XPOT: variants seen among roughly 807,000 people sequenced by gnomAD.
XPOT encodes exportin for tRNA.
XPOT carries 34 observed loss-of-function variants against 128.2 expected under a neutral mutation model. The observed-to-expected ratio is 0.27, with a 90% CI of 0.20 to 0.35. XPOT has a LOEUF of 0.35. Among genes scored for constraint, XPOT ranks in the 10% least tolerant of loss-of-function variants. XPOT has a pLI of 1.00. For synonymous variants in XPOT, 348 were observed against 394.3 expected (o/e 0.88, Z 1.39); for missense variants, 838 against 1,125.3 (o/e 0.74, Z 3.65).
intron 24 of XPOT, among the ~76,000 whole-genome samples, chr12:64,446,967 A>T (rs909936318): frequency 1.3e-5 from 2 of 152,190 alleles, no homozygotes; most frequent in African/African-American, 2.4e-5. Context: ...AAATAGCTTT[A>T]TTGGATTTAC....
chr12:64,445,057 CT>C lies in XPOT; in HGVS notation c.2806-14del. 2 of 1,595,110 alleles carry C rather than the reference CT, an allele frequency of 1.3e-6. No individual in the cohort carries two copies. The highest frequency in any genetic ancestry group is 1.1e-5 in the South Asian group (1 of 87,412). ...AAATACATTTGTTCTTTTTCTCCCT[CT>C]TTTCCCCACCCCCCAGGAGTTTTGT... is the stretch of plus-strand genomic sequence containing the variant. On this transcript the variant is annotated splice_polypyrimidine_tract_variant and intron_variant, in intron 23 of 24. Coordinates refer to ENST00000332707, the MANE Select transcript of XPOT (RefSeq NM_007235.6).
At position 64,415,003 on chromosome 12, in the gene XPOT, A is replaced by T; in HGVS notation, c.143+14A>T. The T allele has an allele frequency of 6.5e-7, 1 of 1,538,900 alleles. No homozygotes were observed. ...GAGGACATACAGGTAATTAAAAACA[A>T]AATTTGCATGACAATTTAAATTTCT... On this transcript the variant is annotated intron_variant, in intron 3 of 24. Transcript: ENST00000332707.
chr12:64,412,946 C>A (rs955977845), intron 2 of XPOT, among the ~76,000 whole-genome samples: 2 of 152,080 alleles, frequency 1.3e-5, no homozygotes, highest in African/African-American at 4.8e-5. Context: ...CTCTTGTGCC[C>A]TCTCTAGGAA....
chr12:64,443,600 G>T (rs867266806), intron 23 of XPOT, among the ~76,000 whole-genome samples: 1 of 151,984 alleles, frequency 6.6e-6, no homozygotes, highest in Non-Finnish European at 1.5e-5. Flanking sequence ...GACTACAGGC[G>T]CATGCCACCA....
intron 22 of XPOT, 80 bp from the exon 23 acceptor site, chr12:64,439,164 T>C: frequency 7.5e-7 from 1 of 1,327,002 alleles, no homozygotes; most frequent in Non-Finnish European, 1.1e-6. Context: ...GCCTTTAAAG[T>C]GTACATGTAT....
In XPOT at chr12:64,434,450, A is replaced by C. The variant is rs113816384; in HGVS notation, c.2453-57A>C. On this transcript the variant is annotated intron_variant, in intron 19 of 24. Transcript: ENST00000332707. ...TTAATGTATATGAAAAGAGAACTTC[A>C]GGTTGCTTTCCTAGTTAATTTTGGA... 1.5e-5 allele frequency: 18 copies of C among 1,170,508 alleles called. No homozygotes were observed. In the African/African-American group the frequency reaches 1.8e-4, roughly 12 times the overall value. The allele number at this position is 1,170,508 out of a possible 1,614,324, so 72.5% of individuals were successfully genotyped here. A position where few individuals can be genotyped will look rare whatever the true frequency, so the allele number is the denominator to read the frequency against.
Position 64,420,526 on chromosome 12 carries a change from G to A in XPOT, c.843+5G>A. 1 of 1,601,580 alleles carries A rather than the reference G, an allele frequency of 6.2e-7. No homozygotes were observed. Among genetic ancestry groups the A allele is most frequent in the Non-Finnish European group, 8.5e-7 (1 of 1,174,334 alleles). On this transcript the variant is annotated splice_donor_5th_base_variant and intron_variant, in intron 8 of 24. Transcript: ENST00000332707. ...GGGTTTTTCAGCATTGACCAGGTTGGTAAATTTATATAAAACATTGTATGT... is the reference window on the plus strand; with the variant it reads ...GGGTTTTTCAGCATTGACCAGGTTGATAAATTTATATAAAACATTGTATGT...
rs1210666471 is a variant in XPOT at position 64,450,237 on chromosome 12, C to T, written c.*2106C>T. ...GTGGTGACATCATAGCTCACTGTAA[C>T]TTCTCCCATACTCTACCAATCCTCC... On this transcript the variant is annotated 3_prime_UTR_variant, in exon 25 of 25. Coordinates refer to ENST00000332707, the MANE Select transcript of XPOT (RefSeq NM_007235.6). The T allele has an allele frequency of 6.6e-6, 1 of 151,506 alleles. No individual in the cohort carries two copies. Among genetic ancestry groups the T allele is most frequent in the South Asian group, 2.1e-4 (1 of 4,802 alleles). The allele number at this position is 151,506 out of a possible 1,614,324, so 9.4% of individuals were successfully genotyped here.
At chr12:64,416,441 C>T (rs1170588124) in intron 3 of XPOT, among the ~76,000 whole-genome samples, 9 of 152,164 alleles carry the variant, frequency 5.9e-5, no homozygotes, top group Admixed American at 5.2e-4. Context: ...GCATTGTATT[C>T]AAGGTGCATC....
At chr12:64,428,379 C>G (rs747255396) in intron 16 of XPOT, among the ~76,000 whole-genome samples, 85 of 151,946 alleles carry the variant, frequency 5.6e-4, no homozygotes, top group Non-Finnish European at 1.0e-3. Flanking sequence ...AGAAAAAATT[C>G]ATTAAAGATG....
intron 3 of XPOT, among the ~76,000 whole-genome samples, chr12:64,415,191 T>A (rs1000855883): frequency 6.6e-6 from 1 of 151,944 alleles, no homozygotes; most frequent in Non-Finnish European, 1.5e-5. Flanking sequence ...AATTAACTTT[T>A]CAGTAAAACC....
intron 4 of XPOT, among the ~76,000 whole-genome samples, chr12:64,416,989 G>C (rs1244949723): frequency 3.3e-5 from 5 of 152,168 alleles, no homozygotes; most frequent in African/African-American, 4.8e-5. Flanking sequence ...GAGGCCGGTA[G>C]ATCACTTGAA....
Position 64,434,738 on chromosome 12 carries a change from A to G in XPOT, c.2570-56A>G, listed in dbSNP as rs978434550. On this transcript the variant is annotated intron_variant, in intron 20 of 24. Transcript: ENST00000332707. Reference sequence around the variant, plus strand: ...AACTGGGAGTTGGTTTTCCCTGGTGATGAATTAATTGACTTACTTTTATAT... The same window carrying G: ...AACTGGGAGTTGGTTTTCCCTGGTGGTGAATTAATTGACTTACTTTTATAT... 5.7e-6 allele frequency: 9 copies of G among 1,571,796 alleles called. No homozygotes were observed. In the African/African-American group the frequency reaches 1.2e-4, roughly 21 times the overall value.
At position 64,425,177 on chromosome 12, in the gene XPOT, C is replaced by T. The variant is rs922857282; in HGVS notation, c.1447C>T (p.Arg483Ter). The T allele has an allele frequency of 1.2e-6, 2 of 1,613,848 alleles. No homozygotes were observed. Among genetic ancestry groups the T allele is most frequent in the Admixed American group, 3.3e-5 (2 of 59,980 alleles). Residue 483 changes from arginine to a stop codon, truncating the protein, a stop_gained, in exon 13 of 25, where the codon CGA (arginine) becomes TGA (stop). Coordinates refer to ENST00000332707, the MANE Select transcript of XPOT (RefSeq NM_007235.6). LOFTEE classifies it high-confidence loss of function. ...AGCTAGTGCTTTGCAGGATATGATG[C>T]GAACTGTAAGTATACTGGAGATAAT... ...SKASALQDMM[R>*]TLVTSGVSSY...
intron 22 of XPOT, among the ~76,000 whole-genome samples, chr12:64,436,247 C>T (rs1401199268): frequency 5.3e-5 from 8 of 151,912 alleles, no homozygotes; most frequent in South Asian, 4.2e-4. Context: ...AGGCGTGAGC[C>T]ACTGCGCCTG....
chr12:64,413,304 T>C (rs1424657559), intron 2 of XPOT, among the ~76,000 whole-genome samples: 1 of 152,182 alleles, frequency 6.6e-6, no homozygotes, highest in Non-Finnish European at 1.5e-5. Flanking sequence ...GGTCCCACTA[T>C]GTTGCCCAGG....
At chr12:64,443,203 T>C (rs2040340525) in intron 23 of XPOT, 1 of 152,334 alleles carries the variant, frequency 6.6e-6, no homozygotes, top group South Asian at 2.1e-4. Context: ...TTCCTGCCAC[T>C]GTCACCCAGC....
In XPOT at chr12:64,424,528, G is replaced by A. The variant is rs1474911357; in HGVS notation, c.1183-71G>A. On this transcript the variant is annotated intron_variant, in intron 11 of 24. Coordinates refer to ENST00000332707, the MANE Select transcript of XPOT (RefSeq NM_007235.6). ...GCAGGTTTGTTACATAGGTATACAT[G>A]TAGCCATGGTGGTTTGCTGCGCCGA... The A allele has an allele frequency of 5.7e-6, 9 of 1,569,098 alleles. No individual in the cohort carries two copies. In the East Asian group the frequency reaches 2.0e-4, roughly 35 times the overall value.
At chr12:64,414,226 T>C (rs1320238385) in intron 2 of XPOT, among the ~76,000 whole-genome samples, 48 of 152,202 alleles carry the variant, frequency 3.2e-4, no homozygotes, top group Non-Finnish European at 5.0e-4. Flanking sequence ...CATTCTAGAG[T>C]ACTCTTGCTC....
Sources: allele counts gnomAD v4.1 joint callset (sites outside exome capture counted in the v4.1 genomes callset), GRCh38; gene constraint gnomAD v4.1.1; transcripts MANE v1.5; gene names NCBI Gene and HGNC (gene_info 2026-07-23, HGNC 2026-07-21).